ASPH: variants seen among roughly 807,000 people sequenced by gnomAD.
ASPH encodes aspartyl/asparaginyl beta-hydroxylase.
In ASPH, 100 loss-of-function variants were observed where a neutral mutation model predicts 118.4. The ratio of observed to expected loss-of-function variants is 0.84; its 90% confidence interval spans 0.72 to 1.00. The LOEUF (loss-of-function observed/expected upper bound fraction) is 1.00. Among genes scored for constraint, ASPH ranks in the 50% least tolerant of loss-of-function variants. The probability of loss-of-function intolerance (pLI) is 0.00; values close to 1 mark genes in which losing one functional copy is unlikely to be tolerated. For synonymous variants in ASPH, 315 were observed against 325.6 expected, an observed-to-expected ratio of 0.97 and a Z score of 0.35; for missense variants, 920 against 919.5, an observed-to-expected ratio of 1.00 and a Z score of -0.01.
Position 61,576,755 on chromosome 8 carries a change from G to A in ASPH, c.1149+17C>T. 1.9e-6 allele frequency: 3 copies of A among 1,598,664 alleles called. No homozygotes were observed. Among genetic ancestry groups the A allele is most frequent in the Non-Finnish European group, 2.6e-6 (3 of 1,171,338 alleles). On this transcript the variant is annotated intron_variant, in intron 16 of 24. Coordinates refer to ENST00000379454, the MANE Select transcript of ASPH (RefSeq NM_004318.4). The stretch of plus-strand genomic sequence containing the variant: ...GAACATCAAAAAAGTGTCCTAAGGA[G>A]AAGGGTCTCAGAATACCTGCGCCTT...
At chr8:61,593,847 C>T (rs1487536516) in intron 14 of ASPH, among the ~76,000 whole-genome samples, 1 of 152,180 alleles carries the variant, frequency 6.6e-6, no homozygotes. Context: ...ATTTTATCCC[C>T]ACGCACACGT....
intron 24 of ASPH, among the ~76,000 whole-genome samples, chr8:61,512,165 T>C (rs914633453): frequency 7.2e-5 from 11 of 152,224 alleles, no homozygotes; most frequent in African/African-American, 1.7e-4. Context: ...CCACTACTAA[T>C]ATTGTAGTGG....
At chr8:61,631,195 GTTAA>G (rs927805221) in intron 13 of ASPH, among the ~76,000 whole-genome samples, 7 of 151,980 alleles carry the variant, frequency 4.6e-5, no homozygotes, top group African/African-American at 1.2e-4. Flanking sequence ...GTAAACCAAG[GTTAA>G]TTATTAAAGA....
intron 14 of ASPH, among the ~76,000 whole-genome samples, chr8:61,613,543 T>C (rs1218598178): frequency 6.6e-6 from 1 of 152,082 alleles, no homozygotes; most frequent in African/African-American, 2.4e-5. Context: ...AAAAGGAAAA[T>C]TCAAAATATG....
At position 61,540,979 on chromosome 8, in the gene ASPH, G is replaced by T. The variant is rs1461161205; in HGVS notation, c.1764+7092C>A. 2.0e-5 allele frequency among the ~76,000 whole-genome samples: 3 copies of T among 151,994 alleles called. No homozygotes were observed. The East Asian group carries it at 5.8e-4, about 29-fold the overall frequency. ...AAAAATTAAGAAAGGGAAATGAGAG[G>T]CCGGGCACGGTGGCTCACACCTGTA... On this transcript the variant is annotated intron_variant, in intron 21 of 24. Coordinates refer to ENST00000379454, the MANE Select transcript of ASPH (RefSeq NM_004318.4).
chr8:61,600,852 T>G (rs1233825789), intron 14 of ASPH, among the ~76,000 whole-genome samples: 1 of 151,212 alleles, frequency 6.6e-6, no homozygotes, highest in Non-Finnish European at 1.5e-5. Flanking sequence ...ATAAATACAC[T>G]TCAAATATAA....
At chr8:61,594,005 C>T (rs1841889419) in intron 14 of ASPH, among the ~76,000 whole-genome samples, 1 of 152,164 alleles carries the variant, frequency 6.6e-6, no homozygotes, top group Non-Finnish European at 1.5e-5. Context: ...ATATACTCAG[C>T]AGCGGATACA....
Position 61,638,365 on chromosome 8 carries a change from T to TGA in ASPH, c.791-3_791-2insTC. 7.5e-6 allele frequency: 10 copies of TGA among 1,340,942 alleles called. No individual in the cohort carries two copies. The highest frequency in any genetic ancestry group is 2.3e-5 in the Admixed American group (1 of 43,572). 83.1% of individuals were successfully genotyped at this position (1,340,942 alleles called of 1,614,324 possible). Reference sequence around the variant, plus strand: ...CATTTTCTAGAGGTTCATATACTGCTAAAAAAAAAAAAACAGAAACAAAAT... The same window carrying TGA: ...CATTTTCTAGAGGTTCATATACTGCTGAAAAAAAAAAAAAACAGAAACAAAAT... On this transcript the variant is annotated splice_region_variant and splice_polypyrimidine_tract_variant and intron_variant, in intron 10 of 24. Transcript: ENST00000379454.
chr8:61,633,894 T>G (rs947027450), intron 12 of ASPH, among the ~76,000 whole-genome samples, 167 bp from the exon 13 acceptor site: 7 of 152,188 alleles, frequency 4.6e-5, no homozygotes, highest in African/African-American at 1.4e-4. Context: ...CAAAGAATGA[T>G]CAGCTACAAC....
At chr8:61,657,944 C>T (rs1375723302) in intron 3 of ASPH, 1 of 152,224 alleles carries the variant, frequency 6.6e-6, no homozygotes, top group East Asian at 1.9e-4. Context: ...CGTGTCCTTA[C>T]TAATCCAGGT....
chr8:61,547,839 G>A lies in ASPH; in HGVS notation c.1764+232C>T, dbSNP rs561434441. On this transcript the variant is annotated intron_variant, in intron 21 of 24. Coordinates refer to ENST00000379454, the MANE Select transcript of ASPH (RefSeq NM_004318.4). ...CAATAATTTTTAAGAGTATAAGAGG[G>A]TCCTAAGGCCAAAAAGGTTGAGAAC... Among the ~76,000 whole-genome samples the A allele has an allele frequency of 1.9e-3, 288 of 152,158 alleles. 1 individual carries two copies. The highest frequency in any genetic ancestry group is 0.014 in the South Asian group (69 of 4,826).
At chr8:61,567,438 C>T (rs1832077884) in intron 16 of ASPH, 120 bp from the exon 17 acceptor site, 1 of 1,049,224 alleles carries the variant, frequency 9.5e-7, no homozygotes, top group South Asian at 2.0e-5. Flanking sequence ...GACACGTTAG[C>T]CTTTTCTCCT....
chr8:61,601,557 GA>G (rs796173074), intron 14 of ASPH, among the ~76,000 whole-genome samples: 2,670 of 109,136 alleles, frequency 0.024, 182 homozygotes, highest in African/African-American at 0.086. Context: ...GAGAGAGAGA[GA>G]AAAAAAAAAA....
intron 18 of ASPH, among the ~76,000 whole-genome samples, chr8:61,561,143 G>T (rs1343263471): frequency 1.4e-5 from 2 of 144,716 alleles, no homozygotes; most frequent in African/African-American, 2.6e-5. Flanking sequence ...AGGGAGGAAG[G>T]AAGTTAGGAA....
intron 15 of ASPH, chr8:61,579,522 C>G (rs978373092): frequency 6.4e-7 from 1 of 1,558,982 alleles, no homozygotes; most frequent in Non-Finnish European, 8.8e-7. Flanking sequence ...AAGCCCCGGC[C>G]TCAGCTACGG....
At chr8:61,647,003 G>A (rs1328974419) in intron 5 of ASPH, 125 bp from the exon 6 acceptor site, 1 of 1,260,986 alleles carries the variant, frequency 7.9e-7, no homozygotes, top group East Asian at 2.3e-5. Flanking sequence ...GGCCGCTGAA[G>A]ACACCATTGT....
chr8:61,561,115 G>A lies in ASPH; in HGVS notation c.1437+1629C>T, dbSNP rs1475193633. On this transcript the variant is annotated intron_variant, in intron 18 of 24. Transcript: ENST00000379454. ...GGGAGGGAGAGAGGGAGGGAGGGAG[G>A]GAGGGAGGGAGGGAGGGAGGGAGGA... Among the ~76,000 whole-genome samples the A allele has an allele frequency of 1.3e-4, 16 of 124,202 alleles. No homozygotes were observed. In the East Asian group the frequency reaches 4.1e-3, roughly 32 times the overall value. 81.5% of individuals were successfully genotyped at this position (124,202 alleles called of 152,430 possible).
At chr8:61,584,071 T>G (rs376680443) in intron 14 of ASPH, 42 bp from the exon 15 acceptor site, 1 of 1,232,332 alleles carries the variant, frequency 8.1e-7, no homozygotes, top group African/African-American at 1.5e-5. Flanking sequence ...GTTTTTTGAC[T>G]AGAAATAGTT....
chr8:61,546,404 C>T (rs1027014896), intron 21 of ASPH, among the ~76,000 whole-genome samples: 1 of 152,096 alleles, frequency 6.6e-6, no homozygotes, highest in Non-Finnish European at 1.5e-5. Context: ...GATAGTAAAG[C>T]AGAATCAGAA....
Sources: allele counts gnomAD v4.1 joint callset (sites outside exome capture counted in the v4.1 genomes callset), GRCh38; gene constraint gnomAD v4.1.1; transcripts MANE v1.5; gene names NCBI Gene and HGNC (gene_info 2026-07-23, HGNC 2026-07-21).